ZDHHC19: variants seen among roughly 807,000 people sequenced by gnomAD.
ZDHHC19 encodes palmitoyltransferase ZDHHC19.
A neutral mutation model predicts 33.9 loss-of-function variants in ZDHHC19; 30 were observed. The observed-to-expected ratio is 0.88, with a 90% CI of 0.66 to 1.20. ZDHHC19 has a LOEUF of 1.20. Ranked by LOEUF, ZDHHC19 falls within the 50% of genes most tolerant of loss-of-function variation. ZDHHC19 has a pLI of 0.00. For missense variants in ZDHHC19, 364 were observed against 401.1 expected (o/e 0.91, Z 0.79); for synonymous variants, 178 against 167.6 (o/e 1.06, Z -0.48).
chr3:196,211,256 G>C lies in ZDHHC19; in HGVS notation c.60C>G (p.Val20=), dbSNP rs202165927. 2.4e-5 allele frequency: 38 copies of C among 1,614,022 alleles called. No individual in the cohort carries two copies. The highest frequency in any genetic ancestry group is 3.3e-5 in the Admixed American group (2 of 59,986). The change falls in exon 1 of 8, where the codon GTC becomes GTG. Residue 20 remains valine, a synonymous_variant. Transcript: ENST00000296326. ...LVKEPHPLPL[V]PRPWFLPSLF... ...GGCTAGGGAGGAACCAGGGACGTGG[G>C]ACCAGAGGCAGGGGATGGGGCTCCT...
In ZDHHC19 at chr3:196,198,807, C is replaced by T. The variant is rs769520092; in HGVS notation, c.755G>A (p.Cys252Tyr). ...GCASNWYLTI[C>Y]APLGPKYMAE... ...AACTCACTTGGGTCCCAGTGGTGCA[C>T]AAATTGTTAAATACCAGTTGCTGGC... Residue 252 changes from cysteine (C) to tyrosine (Y), a missense_variant, in exon 6 of 8, where the codon TGT becomes TAT. Physicochemically the swap from Cys to Tyr is radical, Grantham distance 194. Transcript: ENST00000296326. 1 of 1,614,090 alleles carries T rather than the reference C, an allele frequency of 6.2e-7. No homozygotes were observed. Among genetic ancestry groups the T allele is most frequent in the Admixed American group, 1.7e-5 (1 of 60,018 alleles).
intron 5 of ZDHHC19, among the ~76,000 whole-genome samples, chr3:196,204,349 A>G (rs1369585863): frequency 6.6e-6 from 1 of 152,230 alleles, no homozygotes; most frequent in Admixed American, 6.5e-5. Context: ...ATGCTGAAAA[A>G]CACAAAATAA....
intron 5 of ZDHHC19, among the ~76,000 whole-genome samples, chr3:196,200,550 T>G (rs528604783): frequency 2.1e-4 from 32 of 149,732 alleles, no homozygotes; most frequent in South Asian, 2.1e-3. Context: ...GAGACGGGGT[T>G]TCACCGTGTT....
At position 196,210,435 on chromosome 3, in the gene ZDHHC19, AG is replaced by A. The variant is rs375636695; in HGVS notation, c.268+180del. ...AGAGGAAGGAAGGAAAGAAAGAAAGAGAAAGAAAGAAAGAAAAGAGAAGAGA... is the reference window on the plus strand; with the variant it reads ...AGAGGAAGGAAGGAAAGAAAGAAAGAAAAGAAAGAAAGAAAAGAGAAGAGA... On this transcript the variant is annotated intron_variant, in intron 2 of 7. Transcript: ENST00000296326. 2.7e-3 allele frequency among the ~76,000 whole-genome samples: 276 copies of A among 103,246 alleles called. 10 individuals are homozygous for A. Among genetic ancestry groups the A allele is most frequent in the African/African-American group, 0.012 (206 of 17,322 alleles). 67.7% of individuals were successfully genotyped at this position (103,246 alleles called of 152,430 possible). A position where few individuals can be genotyped will look rare whatever the true frequency, so the allele number is the denominator to read the frequency against.
At chr3:196,204,830 G>T (rs1168017116) in intron 5 of ZDHHC19, among the ~76,000 whole-genome samples, 2 of 152,176 alleles carry the variant, frequency 1.3e-5, no homozygotes, top group African/African-American at 4.8e-5. Flanking sequence ...ATTCAGGCCG[G>T]ACACAGTGGC....
chr3:196,199,042 T>TC, intron 5 of ZDHHC19, 168 bp from the exon 6 acceptor site: 1 of 595,674 alleles, frequency 1.7e-6, no homozygotes, highest in East Asian at 3.0e-5. Context: ...CCCATCCTCC[T>TC]CCTCTTGGTC....
chr3:196,203,298 G>T lies in ZDHHC19; in HGVS notation c.687+4100C>A, dbSNP rs561897752. 6.6e-6 allele frequency among the ~76,000 whole-genome samples: 1 copy of T among 152,124 alleles called. No homozygotes were observed. Among genetic ancestry groups the T allele is most frequent in the East Asian group, 1.9e-4 (1 of 5,176 alleles). Reference sequence around the variant, plus strand: ...AAAGAAAGAGAGAGAGAAATTGAACGGTATTAATAGTAGCGACATCTAGAG... The same window carrying T: ...AAAGAAAGAGAGAGAGAAATTGAACTGTATTAATAGTAGCGACATCTAGAG... On this transcript the variant is annotated intron_variant, in intron 5 of 7. Coordinates refer to ENST00000296326, the MANE Select transcript of ZDHHC19 (RefSeq NM_001039617.2). This position sits in a 1 kb window ranked among gnomAD's most constrained non-coding sequence, Gnocchi z 4.3.
chr3:196,200,339 TATATGTATATATATATATAA>T (rs1722170083), intron 5 of ZDHHC19, among the ~76,000 whole-genome samples: 1 of 80,694 alleles, frequency 1.2e-5, no homozygotes, highest in African/African-American at 4.6e-5. Flanking sequence ...TATATATATA[TATATGTATATATATATATAA>T]TTTTTTTTTT....
chr3:196,209,012 G>C (rs984843198), intron 3 of ZDHHC19: 1 of 296,138 alleles, frequency 3.4e-6, no homozygotes, highest in African/African-American at 2.2e-5. Context: ...TGGACACCCA[G>C]GCGAGGACAG....
At chr3:196,198,478 G>C in intron 6 of ZDHHC19, 27 bp from the exon 7 acceptor site, 1 of 1,595,102 alleles carries the variant, frequency 6.3e-7, no homozygotes, top group Non-Finnish European at 8.5e-7. Context: ...CAGATGCAGG[G>C]GCCACCGTCC....
In ZDHHC19 at chr3:196,208,501, G is replaced by A. The variant is rs769451548; in HGVS notation, c.468C>T (p.Phe156=). Reference sequence around the variant, plus strand: ...ACAGGGACAGGACAAGCAGCATGAAGAAGCGGAAGTTGCGGTGACCGATGC... The same window carrying A: ...ACAGGGACAGGACAAGCAGCATGAAAAAGCGGAAGTTGCGGTGACCGATGC... ...NNCIGHRNFR[F]FMLLVLSLCL... is the part of the protein sequence containing the mutation. Residue 156 remains phenylalanine, a synonymous_variant, in exon 4 of 8, where the codon TTC becomes TTT. Coordinates refer to ENST00000296326, the MANE Select transcript of ZDHHC19 (RefSeq NM_001039617.2). 2.5e-6 allele frequency: 4 copies of A among 1,614,206 alleles called. No homozygotes were observed. The South Asian group carries it at 3.3e-5, about 13-fold the overall frequency.
rs557504427 is a variant in ZDHHC19, at chr3:196,200,602, C to T, written c.688-1728G>A. ...ATCTCCTGACCTCGTGATCCGCCCA[C>T]CTTGGCCTCCCAAAGTGCTGGGATT... On this transcript the variant is annotated intron_variant, in intron 5 of 7. Transcript: ENST00000296326. Among the ~76,000 whole-genome samples, 299 of 150,518 alleles carry T rather than the reference C, an allele frequency of 2.0e-3. 6 individuals carry two copies. The highest frequency in any genetic ancestry group is 6.0e-3 in the Admixed American group (90 of 15,110).
At chr3:196,209,973 TGAGGTCAG>T in intron 2 of ZDHHC19, among the ~76,000 whole-genome samples, 1 of 152,144 alleles carries the variant, frequency 6.6e-6, no homozygotes, top group South Asian at 2.1e-4. Flanking sequence ...GGGCTGATCA[TGAGGTCAG>T]GAGTTCGAGA....
chr3:196,199,044 C>T (rs1490530184), intron 5 of ZDHHC19, 170 bp from the exon 6 acceptor site: 3 of 596,286 alleles, frequency 5.0e-6, no homozygotes, highest in South Asian at 1.9e-5. Context: ...CATCCTCCTC[C>T]TCTTGGTCTC....
At chr3:196,210,941 C>G (rs578104660) in intron 1 of ZDHHC19, among the ~76,000 whole-genome samples, 1 of 151,934 alleles carries the variant, frequency 6.6e-6, no homozygotes, top group South Asian at 2.1e-4. Flanking sequence ...TGCACAGGCA[C>G]CCTTGACCTC....
Position 196,198,839 on chromosome 3 carries a change from C to T in ZDHHC19, c.723G>A (p.Gln241=). The change falls in exon 6 of 8, where the codon CAG becomes CAA. Residue 241 remains glutamine (Q), a synonymous_variant. Transcript: ENST00000296326. ...RHLQGYNPFD[Q]GCASNWYLTI... ...TTAAATACCAGTTGCTGGCACAGCC[C>T]TGGTCGAAGGGGTTGTATCCCTGAA... 1 of 1,614,140 alleles carries T rather than the reference C, an allele frequency of 6.2e-7. No homozygotes were observed. Among genetic ancestry groups the T allele is most frequent in the Non-Finnish European group, 8.5e-7 (1 of 1,179,996 alleles).
chr3:196,200,327 G>GATAT (rs374551956), intron 5 of ZDHHC19, among the ~76,000 whole-genome samples: 36,278 of 116,306 alleles, frequency 0.31, 5,221 homozygotes, highest in East Asian at 0.41. Context: ...AAAATTTAGG[G>GATAT]ATATATATAT....
At chr3:196,209,175 G>T in intron 3 of ZDHHC19, 1 of 713,514 alleles carries the variant, frequency 1.4e-6, no homozygotes, top group Non-Finnish European at 2.2e-6. Flanking sequence ...CAGCACCTCT[G>T]CAGGCAACGG....
intron 5 of ZDHHC19, among the ~76,000 whole-genome samples, chr3:196,201,689 C>T (rs909412140): frequency 3.9e-5 from 6 of 151,976 alleles, no homozygotes; most frequent in Non-Finnish European, 8.8e-5. Flanking sequence ...CCACTGCACT[C>T]CAGCCTGGAC....
Sources: allele counts gnomAD v4.1 joint callset (sites outside exome capture counted in the v4.1 genomes callset), GRCh38; gene constraint gnomAD v4.1.1; non-coding constraint Gnocchi (gnomAD v3.1); transcripts MANE v1.5; gene names NCBI Gene and HGNC (gene_info 2026-07-23, HGNC 2026-07-21).